Variants in PRDM15 observed in about 807,000 individuals in gnomAD.
PRDM15 encodes PR/SET domain 15.
In PRDM15, 64 loss-of-function variants were observed where a neutral mutation model predicts 128.6. The ratio of observed to expected loss-of-function variants is 0.50; its 90% CI spans 0.41 to 0.61. The LOEUF (loss-of-function observed/expected upper bound fraction) is 0.61, where lower values mean the gene tolerates loss of function less well. PRDM15 is among the 20% of genes least tolerant of loss of function. The pLI is 0.00. For synonymous variants in PRDM15, 615 were observed against 621.8 expected, an observed-to-expected ratio of 0.99 and a Z score of 0.16; for missense variants, 1,242 against 1,569.1, an observed-to-expected ratio of 0.79 and a Z score of 3.52.
chr21:41,800,643 T>G lies in PRDM15; in HGVS notation c.*597A>C, dbSNP rs2061394121. On this transcript the variant is annotated 3_prime_UTR_variant, in exon 24 of 24. Transcript: ENST00000398548. The stretch of plus-strand genomic sequence containing the variant: ...TGACCTCGAAGGTTGCAGGATCAGG[T>G]GCGGCTCAGCACGCCTCATGGTTTC... The G allele has an allele frequency of 1.3e-5, 2 of 152,158 alleles. No individual in the cohort carries two copies. The highest frequency in any genetic ancestry group is 4.1e-4 in the South Asian group (2 of 4,822). The allele number at this position is 152,158 out of a possible 1,614,324, so 9.4% of individuals were successfully genotyped here.
rs921344817 is a variant in PRDM15 at position 41,846,961 on chromosome 21, T to C, written c.640+129A>G. ...GAAAGCCTTGGTTCTGGCGACTACA[T>C]TGTGGGGCAATGGGGCAGACAGGAC... On this transcript the variant is annotated intron_variant, in intron 6 of 23. Coordinates refer to ENST00000398548, the MANE Select transcript of PRDM15 (RefSeq NM_001040424.3). 100 of 641,030 alleles carry C rather than the reference T, an allele frequency of 1.6e-4. 1 individual carries two copies. The Middle Eastern group carries it at 2.1e-3, about 13-fold the overall frequency. The allele number at this position is 641,030 out of a possible 1,614,324, so 39.7% of individuals were successfully genotyped here.
chr21:41,857,273 A>G lies in PRDM15; in HGVS notation c.188T>C (p.Val63Ala). The G allele has an allele frequency of 6.2e-7, 1 of 1,613,564 alleles. No individual in the cohort carries two copies. Among genetic ancestry groups the G allele is most frequent in the Non-Finnish European group, 8.5e-7 (1 of 1,179,940 alleles). ...IRRLEDGAEG[V>A]FAITQLVKRT... ...CTTGACGAGCTGAGTGATGGCGAAC[A>G]CCCCCTCGGCTCCATCTTCCAGTCG... The change falls in exon 4 of 24, where the codon GTG (valine) becomes GCG (alanine). Residue 63 changes from valine (V) to alanine (A), a missense_variant. By Grantham distance (64) the Val-to-Ala change is moderately conservative. Transcript: ENST00000398548.
At position 41,828,972 on chromosome 21, in the gene PRDM15, CCACG is replaced by C. The variant is rs1208745556; in HGVS notation, c.1367-643_1367-640del. Among the ~76,000 whole-genome samples, 3,201 of 143,328 alleles carry C rather than the reference CCACG, an allele frequency of 0.022. 114 individuals carry two copies. Among genetic ancestry groups the C allele is most frequent in the African/African-American group, 0.079 (3,013 of 38,052 alleles). The allele number at this position is 143,328 out of a possible 152,430, so 94.0% of individuals were successfully genotyped here. ...CAATCACACACACCACATACACACA[CCACG>C]CACACATGCCCCACACAAATACACA... On this transcript the variant is annotated intron_variant, in intron 11 of 23. Transcript: ENST00000398548. This position sits in a 1 kb window ranked among gnomAD's most constrained non-coding sequence, Gnocchi z 5.7.
Position 41,859,800 on chromosome 21 carries a change from T to G in PRDM15, c.38-115A>C. 1 of 802,472 alleles carries G rather than the reference T, an allele frequency of 1.2e-6. No homozygotes were observed. The allele number at this position is 802,472 out of a possible 1,614,324, so 49.7% of individuals were successfully genotyped here. ...GGGTGACCCAGAGTCATGAGACACATGCATGCCGACACTGCAAAGACAAGC... is the reference window on the plus strand; with the variant it reads ...GGGTGACCCAGAGTCATGAGACACAGGCATGCCGACACTGCAAAGACAAGC... On this transcript the variant is annotated intron_variant, in intron 2 of 23. Coordinates refer to ENST00000398548, the MANE Select transcript of PRDM15 (RefSeq NM_001040424.3). The surrounding 1 kb of genome is among the most constrained non-coding windows in gnomAD (Gnocchi z 5.3).
intron 1 of PRDM15, among the ~76,000 whole-genome samples, chr21:41,878,514 C>G (rs1009895219): frequency 6.6e-6 from 1 of 152,178 alleles, no homozygotes; most frequent in East Asian, 1.9e-4. Context: ...CTGCGCGTGG[C>G]CCCCGTCCCC....
chr21:41,807,189 T>A (rs1386543720), intron 21 of PRDM15, among the ~76,000 whole-genome samples: 2 of 152,232 alleles, frequency 1.3e-5, no homozygotes, highest in Non-Finnish European at 2.9e-5. Context: ...CTTCTTAGGA[T>A]ATAAGAAAAA....
intron 6 of PRDM15, among the ~76,000 whole-genome samples, chr21:41,840,669 G>A (rs1305314644): frequency 5.9e-5 from 9 of 151,770 alleles, no homozygotes; most frequent in African/African-American, 2.2e-4. Flanking sequence ...AGCCATCAGG[G>A]CGTCAGCAGA....
Position 41,821,950 on chromosome 21 carries a change from C to T in PRDM15, c.1849G>A (p.Glu617Lys), listed in dbSNP as rs2062287347. The stretch of plus-strand genomic sequence containing the variant: ...TTGTGAGGCTCCGAGTCTGCGCTCT[C>T]GTCAGAATTGTCATCGTTTTCTTCC... Reference protein sequence around the residue: ...SSEENDDNSDESADSEPHKYS... With the variant: ...SSEENDDNSDKSADSEPHKYS... The change falls in exon 15 of 24, where the codon GAG (glutamate) becomes AAG (lysine). Residue 617 changes from glutamate (E) to lysine (K), a missense_variant. Glu to Lys is a moderately conservative substitution (Grantham distance 56). This residue lies in a region of PRDM15 where 602 missense variants were observed against 788.3 expected (regional missense o/e 0.76). Transcript: ENST00000398548. This position sits in a 1 kb window ranked among gnomAD's most constrained non-coding sequence, Gnocchi z 5.4. 2.5e-6 allele frequency: 4 copies of T among 1,614,216 alleles called. No homozygotes were observed. Among genetic ancestry groups the T allele is most frequent in the African/African-American group, 1.3e-5 (1 of 75,078 alleles).
intron 1 of PRDM15, chr21:41,871,756 G>A: frequency 2.0e-6 from 2 of 997,432 alleles, no homozygotes; most frequent in Admixed American, 2.8e-5. Flanking sequence ...CCTCCTTCCT[G>A]GATGGTTGCT....
In PRDM15 at chr21:41,801,372, C is replaced by G. The variant is rs906586443; in HGVS notation, c.3294G>C (p.Gln1098His). Residue 1098 changes from glutamine (Q) to histidine (H), a missense_variant, in exon 24 of 24, where the codon CAG (glutamine) becomes CAC (histidine). Coordinates refer to ENST00000398548, the MANE Select transcript of PRDM15 (RefSeq NM_001040424.3). The stretch of plus-strand genomic sequence containing the variant: ...GCACTGCCCGCCACGTGAGCGGGTG[C>G]TGGTCACTAAGCTGGCTCCCCAGGG... ...ITPLGSQLSD[Q>H]HPLTWRAVPQ... The G allele has an allele frequency of 2.5e-6, 4 of 1,610,990 alleles. No homozygotes were observed. The highest frequency in any genetic ancestry group is 3.4e-6 in the Non-Finnish European group (4 of 1,177,646).
At chr21:41,836,274 C>T (rs971431954) in intron 9 of PRDM15, 67 bp from the exon 10 acceptor site, 25 of 1,462,792 alleles carry the variant, frequency 1.7e-5, no homozygotes, top group African/African-American at 4.2e-5. Context: ...GCATGCCCAC[C>T]GGGGAAATGC....
At position 41,810,714 on chromosome 21, in the gene PRDM15, G is replaced by A. The variant is rs182131754; in HGVS notation, c.2476+39C>T. The A allele has an allele frequency of 0.011, 17,194 of 1,557,138 alleles. 138 individuals carry two copies. Among genetic ancestry groups the A allele is most frequent in the Middle Eastern group, 0.03 (176 of 5,942 alleles). On this transcript the variant is annotated intron_variant, in intron 20 of 23. Coordinates refer to ENST00000398548, the MANE Select transcript of PRDM15 (RefSeq NM_001040424.3). The surrounding 1 kb of genome is among the most constrained non-coding windows in gnomAD (Gnocchi z 6.4). ...ACTCAGACAGCCCCGGCAGCCTGCCGCGTGCGCCCCGAAGGCTCCTTCAGG... is the reference window on the plus strand; with the variant it reads ...ACTCAGACAGCCCCGGCAGCCTGCCACGTGCGCCCCGAAGGCTCCTTCAGG...
At chr21:41,822,327 T>A (rs889799243) in intron 14 of PRDM15, among the ~76,000 whole-genome samples, 9 of 152,294 alleles carry the variant, frequency 5.9e-5, no homozygotes, top group African/African-American at 1.4e-4. Flanking sequence ...TGCTGGGAAG[T>A]CCCCCTAGTG....
intron 11 of PRDM15, among the ~76,000 whole-genome samples, chr21:41,834,266 C>G (rs903696701): frequency 6.6e-6 from 1 of 152,134 alleles, no homozygotes; most frequent in Non-Finnish European, 1.5e-5. Context: ...TAGGAGCCCT[C>G]AGAGTAGAAC....
At position 41,799,568 on chromosome 21, in the gene PRDM15, A is replaced by T. The variant is rs2298642; in HGVS notation, c.*1672T>A. The T allele has an allele frequency of 0.52, 79,164 of 152,042 alleles. 21,109 individuals carry two copies. Among genetic ancestry groups the T allele is most frequent in the African/African-American group, 0.61 (25,142 of 41,468 alleles). The allele number at this position is 152,042 out of a possible 1,614,324, so 9.4% of individuals were successfully genotyped here. A position where few individuals can be genotyped will look rare whatever the true frequency, so the allele number is the denominator to read the frequency against. On this transcript the variant is annotated 3_prime_UTR_variant, in exon 24 of 24. Transcript: ENST00000398548. ...TCCTGCATGCTGCCTGGGGATGAACATTCCTTAGTTCATGAAGGCATATAT... is the reference window on the plus strand; with the variant it reads ...TCCTGCATGCTGCCTGGGGATGAACTTTCCTTAGTTCATGAAGGCATATAT...
At chr21:41,836,711 C>A in intron 8 of PRDM15, 62 bp from the exon 9 acceptor site, 2 of 1,465,764 alleles carry the variant, frequency 1.4e-6, no homozygotes, top group Non-Finnish European at 1.9e-6. Flanking sequence ...AGGTTACAAG[C>A]AGCATGAAAA....
chr21:41,806,412 TCACCACCACCACCATCAC>T (rs2061633893), intron 21 of PRDM15, among the ~76,000 whole-genome samples: 1 of 6,178 alleles, frequency 1.6e-4, no homozygotes, highest in Non-Finnish European at 4.0e-4. Flanking sequence ...ACCACCACCA[TCACCACCACCACCATCAC>T]CACCACCACC....
intron 1 of PRDM15, chr21:41,878,632 C>A (rs1296107439): frequency 1.9e-6 from 2 of 1,043,050 alleles, no homozygotes; most frequent in East Asian, 3.6e-5. Context: ...ACCTCGCTAC[C>A]TTCTCTCTGC....
chr21:41,864,445 C>A (rs573839460), intron 1 of PRDM15, among the ~76,000 whole-genome samples: 1 of 146,110 alleles, frequency 6.8e-6, no homozygotes, highest in Non-Finnish European at 1.5e-5. Flanking sequence ...CATCTTCATT[C>A]AGAAGGCAAC....
Sources: allele counts gnomAD v4.1 joint callset (sites outside exome capture counted in the v4.1 genomes callset), GRCh38; gene constraint gnomAD v4.1.1; regional missense constraint gnomAD v4.1.1; non-coding constraint Gnocchi (gnomAD v3.1); transcripts MANE v1.5; gene names NCBI Gene and HGNC (gene_info 2026-07-23, HGNC 2026-07-21).